MYO1E: variants seen among roughly 807,000 people sequenced by gnomAD.
MYO1E encodes the protein myosin IE.
MYO1E carries 68 observed loss-of-function variants against 151.1 expected under a neutral mutation model. The observed-to-expected ratio is 0.45, with a 90% confidence interval of 0.37 to 0.55. The LOEUF (loss-of-function observed/expected upper bound fraction) is 0.55, where lower values mean the gene tolerates loss of function less well. Ranked by LOEUF, MYO1E falls within the 20% of genes least tolerant of loss-of-function variation. The pLI is 0.00. For synonymous variants in MYO1E, 601 were observed against 501.7 expected (o/e 1.20, Z -2.64); for missense variants, 1,363 against 1,389.3 (o/e 0.98, Z 0.30).
chr15:59,216,666 G>GTACATA lies in MYO1E; in HGVS notation c.1107+1224_1107+1225insTATGTA, dbSNP rs1555411937. On this transcript the variant is annotated intron_variant, in intron 10 of 27. Transcript: ENST00000288235. ...CCAGTGTGTGTGTGTGTGTGTATGT[G>GTACATA]TATATATATATATATATATACACAT... Among the ~76,000 whole-genome samples the GTACATA allele has an allele frequency of 2.7e-3, 82 of 30,870 alleles. 8 individuals carry two copies. The highest frequency in any genetic ancestry group is 0.024 in the Admixed American group (68 of 2,852). 20.3% of individuals were successfully genotyped at this position (30,870 alleles called of 152,430 possible).
chr15:59,142,089 GGAGT>G (rs1241979081), intron 26 of MYO1E, among the ~76,000 whole-genome samples: 31 of 151,894 alleles, frequency 2.0e-4, no homozygotes, highest in African/African-American at 7.3e-4. Flanking sequence ...CCTGGGAAAC[GGAGT>G]GAGACTCCAT....
intron 1 of MYO1E, among the ~76,000 whole-genome samples, chr15:59,366,294 TTTTCTCTCTCTCTC>T (rs1306455785): frequency 8.9e-5 from 5 of 55,976 alleles, no homozygotes; most frequent in Non-Finnish European, 2.2e-4. Context: ...TCTTTCTTTT[TTTTCTCTCTCTCTC>T]TTTCTCTCTC....
chr15:59,214,797 G>A (rs2079903236), intron 10 of MYO1E, 77 bp from the exon 11 acceptor site: 1 of 1,130,048 alleles, frequency 8.8e-7, no homozygotes, highest in Non-Finnish European at 1.4e-6. Flanking sequence ...GGAAAGGGAA[G>A]CTGGATTCTA....
At chr15:59,186,714 T>G (rs1032178) in intron 18 of MYO1E, among the ~76,000 whole-genome samples, 42,667 of 152,104 alleles carry the variant, frequency 0.28, 6,537 homozygotes, top group East Asian at 0.59. Context: ...ATTGCACCAC[T>G]GCACTCCTGA....
At chr15:59,331,957 T>A (rs577656542) in intron 1 of MYO1E, among the ~76,000 whole-genome samples, 1 of 152,172 alleles carries the variant, frequency 6.6e-6, no homozygotes, top group African/African-American at 2.4e-5. Context: ...AATTTCACAG[T>A]AAGGGTAACG....
At chr15:59,356,349 G>C (rs866883075) in intron 1 of MYO1E, among the ~76,000 whole-genome samples, 1 of 152,132 alleles carries the variant, frequency 6.6e-6, no homozygotes, top group Non-Finnish European at 1.5e-5. Flanking sequence ...AGGTTCCAAC[G>C]AAAATGAAAG....
intron 6 of MYO1E, among the ~76,000 whole-genome samples, chr15:59,227,902 G>A (rs1241366571): frequency 6.6e-6 from 1 of 152,204 alleles, no homozygotes; most frequent in African/African-American, 2.4e-5. Context: ...TCATGAGGCA[G>A]AAAAATGGCA....
rs76687895 is a variant in MYO1E, at chr15:59,327,129, T to C, written c.3+45369A>G. Among the ~76,000 whole-genome samples the C allele has an allele frequency of 4.1e-3, 623 of 152,216 alleles. 5 individuals carry two copies. Among genetic ancestry groups the C allele is most frequent in the African/African-American group, 0.012 (503 of 41,546 alleles). On this transcript the variant is annotated intron_variant, in intron 1 of 27. Transcript: ENST00000288235. ...CTTTATGGGTAAGGCGTTTTCTCAC[T>C]TGACTCTTCCACAGAGTGCACACCT...
At chr15:59,303,050 C>T (rs2899647) in intron 1 of MYO1E, among the ~76,000 whole-genome samples, 15,449 of 152,200 alleles carry the variant, frequency 0.1, 1,127 homozygotes, top group East Asian at 0.39. Context: ...CTGGTTCCCA[C>T]ACAGAAGAAA....
At chr15:59,290,231 A>C (rs8038458) in intron 1 of MYO1E, among the ~76,000 whole-genome samples, 79,441 of 151,970 alleles carry the variant, frequency 0.52, 21,882 homozygotes, top group Middle Eastern at 0.68. Context: ...AGACAGAAGA[A>C]ATGGATTCCC....
intron 2 of MYO1E, among the ~76,000 whole-genome samples, chr15:59,265,846 A>G (rs983680730): frequency 6.6e-6 from 1 of 150,668 alleles, no homozygotes; most frequent in Admixed American, 6.6e-5. Flanking sequence ...CTTCACATGT[A>G]GTCCCAGCTA....
At chr15:59,216,691 TACACACACACACACACACACACACAC>T (rs199582846) in intron 10 of MYO1E, among the ~76,000 whole-genome samples, 1 of 56,516 alleles carries the variant, frequency 1.8e-5, no homozygotes. Flanking sequence ...TATATACACA[TACACACACACACACACACACACACAC>T]ACACACATAA....
intron 1 of MYO1E, among the ~76,000 whole-genome samples, chr15:59,287,672 T>A (rs2080394984): frequency 6.6e-6 from 1 of 152,194 alleles, no homozygotes; most frequent in Admixed American, 6.5e-5. Context: ...GTCTGCATGT[T>A]TTTCCCATGT....
Position 59,157,892 on chromosome 15 carries a change from G to A in MYO1E, c.2878+395C>T, listed in dbSNP as rs568704111. ...GAGGATAAGGGGGTGCTGCTGTAGTGGTATTTGGCCGGAGCTGGGTAGTGG... is the reference window on the plus strand; with the variant it reads ...GAGGATAAGGGGGTGCTGCTGTAGTAGTATTTGGCCGGAGCTGGGTAGTGG... On this transcript the variant is annotated intron_variant, in intron 25 of 27. Coordinates refer to ENST00000288235, the MANE Select transcript of MYO1E (RefSeq NM_004998.4). Among the ~76,000 whole-genome samples, 5 of 152,328 alleles carry A rather than the reference G, an allele frequency of 3.3e-5. No homozygotes were observed. The South Asian group carries it at 1.0e-3, about 32-fold the overall frequency.
rs772677451 is a variant in MYO1E at position 59,214,680 on chromosome 15, T to C, written c.1148A>G (p.Asn383Ser). Residue 383 changes from asparagine to serine, a missense_variant, in exon 11 of 28, where the codon AAC (asparagine) becomes AGC (serine). Asn to Ser is a conservative substitution (Grantham distance 46). Coordinates refer to ENST00000288235, the MANE Select transcript of MYO1E (RefSeq NM_004998.4). The part of the protein sequence containing the change: ...KAMEKDHEEY[N>S]IGVLDIYGFE... Reference sequence around the variant, plus strand: ...GCCATAGATGTCTAGGACGCCAATGTTGTATTCTTCATGGTCTTTCTCCAT... The same window carrying C: ...GCCATAGATGTCTAGGACGCCAATGCTGTATTCTTCATGGTCTTTCTCCAT... 2 of 1,613,782 alleles carry C rather than the reference T, an allele frequency of 1.2e-6. No homozygotes were observed. Among genetic ancestry groups the C allele is most frequent in the Non-Finnish European group, 1.7e-6 (2 of 1,179,772 alleles).
chr15:59,222,911 A>C (rs1284082194), intron 9 of MYO1E, 148 bp downstream of exon 9: 2 of 1,248,382 alleles, frequency 1.6e-6, no homozygotes, highest in Non-Finnish European at 2.3e-6. Context: ...GTCTCTCGTG[A>C]AGCCATTCTG....
In MYO1E at chr15:59,134,503, C is replaced by T. The variant is rs765695852; in HGVS notation, c.*2877G>A. On this transcript the variant is annotated 3_prime_UTR_variant, in exon 28 of 28. Transcript: ENST00000288235. ...CCAGGAGTTTCAGATCAGCCTCTCT[C>T]TGTCTCACAGACGGCCATCAGTAGA... 3 of 152,260 alleles carry T rather than the reference C, an allele frequency of 2.0e-5. No individual in the cohort carries two copies. The highest frequency in any genetic ancestry group is 4.4e-5 in the Non-Finnish European group (3 of 68,090). The allele number at this position is 152,260 out of a possible 1,614,324, so 9.4% of individuals were successfully genotyped here. A position where few individuals can be genotyped will look rare whatever the true frequency, so the allele number is the denominator to read the frequency against.
At chr15:59,212,107 C>A (rs542718157) in intron 12 of MYO1E, among the ~76,000 whole-genome samples, 1 of 152,194 alleles carries the variant, frequency 6.6e-6, no homozygotes, top group South Asian at 2.1e-4. Context: ...CCCTGCCTCC[C>A]CTCTCCCATC....
chr15:59,298,594 T>C (rs1234442694), intron 1 of MYO1E, among the ~76,000 whole-genome samples: 3 of 152,212 alleles, frequency 2.0e-5, no homozygotes, highest in African/African-American at 7.2e-5. Context: ...GGGGTGCCTG[T>C]GAACCTCACC....
Sources: gnomAD v4.1 joint callset for allele counts (sites outside exome capture counted in the v4.1 genomes callset) on GRCh38, gnomAD v4.1.1 for gene constraint, MANE v1.5 for transcripts, NCBI Gene and HGNC (gene_info 2026-07-23, HGNC 2026-07-21) for gene names.